PCDHGA10: variants seen among roughly 807,000 people sequenced by gnomAD.
PCDHGA10 encodes the protein protocadherin gamma subfamily A, 10.
In PCDHGA10, 42 loss-of-function variants were observed where a neutral mutation model predicts 59.5. The ratio of observed to expected loss-of-function variants is 0.71; its 90% CI spans 0.55 to 0.91. PCDHGA10 has a LOEUF of 0.91. PCDHGA10 is among the 40% of genes least tolerant of loss of function. The pLI is 0.00. For synonymous variants in PCDHGA10, 511 were observed against 517.2 expected, an observed-to-expected ratio of 0.99 and a Z score of 0.16; for missense variants, 1,111 against 1,198.2, an observed-to-expected ratio of 0.93 and a Z score of 1.07.
intron 1 of PCDHGA10, among the ~76,000 whole-genome samples, chr5:141,434,245 T>G (rs921135977): frequency 3.3e-5 from 5 of 152,224 alleles, no homozygotes; most frequent in African/African-American, 1.2e-4. Context: ...CTAGATGACT[T>G]GGGCATTGTG....
In PCDHGA10 at chr5:141,432,770, G is replaced by A. The variant is rs930442281; in HGVS notation, c.2436+17159G>A. The A allele has an allele frequency of 6.2e-7, 1 of 1,614,128 alleles. No individual in the cohort carries two copies. On this transcript the variant is annotated intron_variant, in intron 1 of 3. Coordinates refer to ENST00000398610, the MANE Select transcript of PCDHGA10 (RefSeq NM_018913.3). This position sits in a 1 kb window ranked among gnomAD's most constrained non-coding sequence, Gnocchi z 6.0. ...GGCCGTGGCCGACAGCATCCCCCAAGTCCTGGCGGACCTCGGCAGCCTCGA... is the reference window on the plus strand; with the variant it reads ...GGCCGTGGCCGACAGCATCCCCCAAATCCTGGCGGACCTCGGCAGCCTCGA...
At position 141,485,791 on chromosome 5, in the gene PCDHGA10, G is replaced by A; in HGVS notation, c.2437-9016G>A. The A allele has an allele frequency of 6.2e-7, 1 of 1,614,196 alleles. No homozygotes were observed. The highest frequency in any genetic ancestry group is 8.5e-7 in the Non-Finnish European group (1 of 1,180,032). ...AGCCTTTGGATCGAGAGAAGCAATC[G>A]GACTACCGCCTGGTGCTGACTGCTG... On this transcript the variant is annotated intron_variant, in intron 1 of 3. Transcript: ENST00000398610. The surrounding 1 kb of genome is among the most constrained non-coding windows in gnomAD (Gnocchi z 5.7).
Position 141,423,156 on chromosome 5 carries a change from CGTG to C in PCDHGA10, c.2436+7550_2436+7552del, listed in dbSNP as rs776903094. On this transcript the variant is annotated intron_variant, in intron 1 of 3. Coordinates refer to ENST00000398610, the MANE Select transcript of PCDHGA10 (RefSeq NM_018913.3). ...ACAGAGACGCGCTCAAGCAGAGCCT[CGTG>C]GTGGCCGTCCAGGACCACGGCCAGC... 8.2e-4 allele frequency: 1,328 copies of C among 1,613,396 alleles called. 15 individuals are homozygous for C. Among genetic ancestry groups the C allele is most frequent in the Admixed American group, 9.5e-4 (57 of 60,016 alleles).
chr5:141,439,297 G>T (rs1252051365), intron 1 of PCDHGA10, among the ~76,000 whole-genome samples: 1 of 152,064 alleles, frequency 6.6e-6, no homozygotes, highest in African/African-American at 2.4e-5. Context: ...CATGGAAAAA[G>T]TAAAGCCCAG....
chr5:141,478,179 A>C, intron 1 of PCDHGA10: 1 of 1,613,996 alleles, frequency 6.2e-7, no homozygotes, highest in Non-Finnish European at 8.5e-7. Context: ...GAGCAGAAAA[A>C]AAATCTCACC....
Position 141,431,264 on chromosome 5 carries a change from A to T in PCDHGA10, c.2436+15653A>T. The T allele has an allele frequency of 6.2e-7, 1 of 1,614,170 alleles. No individual in the cohort carries two copies. On this transcript the variant is annotated intron_variant, in intron 1 of 3. Coordinates refer to ENST00000398610, the MANE Select transcript of PCDHGA10 (RefSeq NM_018913.3). This position sits in a 1 kb window ranked among gnomAD's most constrained non-coding sequence, Gnocchi z 4.8. ...GGATATCGGGAAGAACTCTCTGCAG[A>T]GCTACGAGCTCAGCCCGAACACTCA...
intron 1 of PCDHGA10, chr5:141,417,186 C>A (rs2154546857): frequency 6.6e-6 from 1 of 152,258 alleles, no homozygotes; most frequent in Admixed American, 6.5e-5. Context: ...GGAATTATTA[C>A]TTTCTGGGTG....
chr5:141,488,480 C>A (rs935896624), intron 1 of PCDHGA10, among the ~76,000 whole-genome samples: 6 of 152,298 alleles, frequency 3.9e-5, no homozygotes, highest in African/African-American at 1.4e-4. Flanking sequence ...GTTCCCCTAC[C>A]CAAAAACTGT....
intron 1 of PCDHGA10, among the ~76,000 whole-genome samples, chr5:141,484,685 T>G (rs2099599013): frequency 6.6e-6 from 1 of 151,934 alleles, no homozygotes; most frequent in Non-Finnish European, 1.5e-5. Flanking sequence ...TTGCTAGGGC[T>G]CAGGCTGTGG....
At position 141,510,993 on chromosome 5, in the gene PCDHGA10, G is replaced by A. The variant is rs1457918073; in HGVS notation, c.2631G>A (p.Met877Ile). The A allele has an allele frequency of 4.3e-6, 7 of 1,614,046 alleles. No homozygotes were observed. Among genetic ancestry groups the A allele is most frequent in the African/African-American group, 1.3e-5 (1 of 74,906 alleles). ...CCCTGGGAGGGGGTGCCGGCACCAT[G>A]GGATTGAGCGCCCGCTACGGACCCC... ...SSTLGGGAGT[M>I]GLSARYGPQF... The change falls in exon 4 of 4, where the codon ATG (methionine) becomes ATA (isoleucine). Residue 877 changes from methionine to isoleucine, a missense_variant. Transcript: ENST00000398610.
chr5:141,491,837 G>A lies in PCDHGA10; in HGVS notation c.2437-2970G>A, dbSNP rs1404051857. The A allele has an allele frequency of 1.4e-6, 2 of 1,472,862 alleles. No individual in the cohort carries two copies. The highest frequency in any genetic ancestry group is 1.8e-6 in the Non-Finnish European group (2 of 1,111,878). The allele number at this position is 1,472,862 out of a possible 1,614,324, so 91.2% of individuals were successfully genotyped here. A position where few individuals can be genotyped will look rare whatever the true frequency, so the allele number is the denominator to read the frequency against. ...TGGCTGCGCTCCACCCGATTCTCGG[G>A]ATCATTGGACCGTTTGCGCGAAACC... On this transcript the variant is annotated intron_variant, in intron 1 of 3. Transcript: ENST00000398610. The surrounding 1 kb of genome is among the most constrained non-coding windows in gnomAD (Gnocchi z 6.9).
intron 1 of PCDHGA10, among the ~76,000 whole-genome samples, chr5:141,434,630 A>G (rs2097706465): frequency 6.6e-6 from 1 of 152,106 alleles, no homozygotes; most frequent in African/African-American, 2.4e-5. Flanking sequence ...CGTTTCCCAT[A>G]AGGGATACTT....
At chr5:141,507,852 T>C (rs556569001) in intron 3 of PCDHGA10, among the ~76,000 whole-genome samples, 25 of 152,118 alleles carry the variant, frequency 1.6e-4, no homozygotes, top group Non-Finnish European at 2.6e-4. Context: ...CTGCTCTCAC[T>C]TTCACACCCG....
rs201784236 is a variant in PCDHGA10, at chr5:141,415,315, G to A, written c.2140G>A (p.Val714Met). 2 of 1,614,220 alleles carry A rather than the reference G, an allele frequency of 1.2e-6. No homozygotes were observed. The highest frequency in any genetic ancestry group is 1.6e-4 in the Middle Eastern group (1 of 6,062). Residue 714 changes from valine to methionine, a missense_variant, in exon 1 of 4, where the codon GTG becomes ATG. By Grantham distance (21) the Val-to-Met change is conservative. Coordinates refer to ENST00000398610, the MANE Select transcript of PCDHGA10 (RefSeq NM_018913.3). The stretch of plus-strand genomic sequence containing the variant: ...CTGCGTCTTCCTGGCCTTCGTCATC[G>A]TGCTGCTGGCGCACAGGCTGCGGCG... ...VSCVFLAFVI[V>M]LLAHRLRRWH...
chr5:141,454,796 A>ATTTTTTTTTTTTTT lies in PCDHGA10; in HGVS notation c.2436+39201_2436+39214dup, dbSNP rs61612330. ...AAGGAAATAATCCTCCATGGTTCTA[A>ATTTTTTTTTTTTTT]TTTTTTTTTTTTTTTTTTTTTTTTT... On this transcript the variant is annotated intron_variant, in intron 1 of 3. Coordinates refer to ENST00000398610, the MANE Select transcript of PCDHGA10 (RefSeq NM_018913.3). 1.1e-3 allele frequency among the ~76,000 whole-genome samples: 87 copies of ATTTTTTTTTTTTTT among 77,456 alleles called. 11 individuals carry two copies. The highest frequency in any genetic ancestry group is 1.4e-3 in the Admixed American group (8 of 5,554). The allele number at this position is 77,456 out of a possible 152,430, so 50.8% of individuals were successfully genotyped here.
intron 1 of PCDHGA10, among the ~76,000 whole-genome samples, chr5:141,481,692 G>T (rs1231630072): frequency 6.6e-6 from 1 of 152,020 alleles, no homozygotes; most frequent in African/African-American, 2.4e-5. Context: ...GGTGGCTCAC[G>T]CCTGTAATCC....
At chr5:141,471,901 G>C (rs1224804131) in intron 1 of PCDHGA10, among the ~76,000 whole-genome samples, 1 of 152,146 alleles carries the variant, frequency 6.6e-6, no homozygotes, top group Non-Finnish European at 1.5e-5. Context: ...ATTGACTACA[G>C]ACAAGCATGA....
intron 1 of PCDHGA10, among the ~76,000 whole-genome samples, chr5:141,449,440 C>T (rs2098639026): frequency 6.6e-6 from 1 of 151,742 alleles, no homozygotes; most frequent in Admixed American, 6.6e-5. Flanking sequence ...AACTCCATCT[C>T]TACTAAAAAT....
intron 1 of PCDHGA10, chr5:141,428,119 C>T (rs2097112199): frequency 6.2e-7 from 1 of 1,606,512 alleles, no homozygotes; most frequent in Non-Finnish European, 8.5e-7. Context: ...GCCATCGAGC[C>T]CGGGCTTTTC....
Sources: allele counts gnomAD v4.1 joint callset (sites outside exome capture counted in the v4.1 genomes callset), GRCh38; gene constraint gnomAD v4.1.1; non-coding constraint Gnocchi (gnomAD v3.1); transcripts MANE v1.5; gene names NCBI Gene and HGNC (gene_info 2026-07-23, HGNC 2026-07-21).